Variants in SDK1 observed in about 807,000 individuals in gnomAD.
SDK1 encodes sidekick cell adhesion molecule 1, also known as protein sidekick-1.
A neutral mutation model predicts 245.5 loss-of-function variants in SDK1; 157 were observed. The ratio of observed to expected loss-of-function variants is 0.64; its 90% confidence interval spans 0.56 to 0.73. SDK1 has a LOEUF of 0.73. SDK1 is among the 30% of genes least tolerant of loss of function. The pLI, the probability that SDK1 is intolerant of heterozygous loss-of-function variation, is 0.00. For missense variants in SDK1, 3,583 were observed against 3,002.3 expected (o/e 1.19, Z -4.52); for synonymous variants, 1,647 against 1,278.5 (o/e 1.29, Z -6.15).
chr7:4,229,468 G>T (rs988324751), intron 40 of SDK1, among the ~76,000 whole-genome samples: 5 of 152,144 alleles, frequency 3.3e-5, no homozygotes, highest in African/African-American at 1.2e-4. Context: ...TTAAGATTCT[G>T]TATCAATATT....
At chr7:4,158,975 T>C (rs1175420942) in intron 31 of SDK1, among the ~76,000 whole-genome samples, 1 of 152,208 alleles carries the variant, frequency 6.6e-6, no homozygotes, top group Non-Finnish European at 1.5e-5. Context: ...AGCCGCTCCG[T>C]CCTACCTCGG....
At chr7:4,125,541 A>G (rs1392234642) in intron 25 of SDK1, among the ~76,000 whole-genome samples, 1 of 152,184 alleles carries the variant, frequency 6.6e-6, no homozygotes, top group Non-Finnish European at 1.5e-5. Flanking sequence ...GGATGGATAG[A>G]TGAGTGGGTC....
rs1049512037 is a variant in SDK1, at chr7:3,753,725, G to GTGA, written c.714-67724_714-67722dup. On this transcript the variant is annotated intron_variant, in intron 4 of 44. Coordinates refer to ENST00000404826, the MANE Select transcript of SDK1 (RefSeq NM_152744.4). ...TTTTATTATCAATGAAATGCATGAA[G>GTGA]TGACAGGCCTTGGTTGGTGAAGTGG... Among the ~76,000 whole-genome samples, 623 of 152,296 alleles carry GTGA rather than the reference G, an allele frequency of 4.1e-3. 6 individuals carry two copies. Among genetic ancestry groups the GTGA allele is most frequent in the African/African-American group, 0.014 (602 of 41,560 alleles).
intron 22 of SDK1, among the ~76,000 whole-genome samples, chr7:4,080,381 G>A (rs572456842): frequency 6.6e-6 from 1 of 152,274 alleles, no homozygotes; most frequent in Non-Finnish European, 1.5e-5. Flanking sequence ...AAAGCAGGAG[G>A]AAAAAGATAA....
At chr7:3,395,971 C>A (rs1781886374) in intron 1 of SDK1, among the ~76,000 whole-genome samples, 1 of 151,670 alleles carries the variant, frequency 6.6e-6, no homozygotes, top group South Asian at 2.1e-4. Context: ...CTCCTGTCAT[C>A]TTTATTTTCT....
chr7:3,696,814 A>G (rs552244869), intron 4 of SDK1, among the ~76,000 whole-genome samples: 5 of 152,126 alleles, frequency 3.3e-5, no homozygotes, highest in Non-Finnish European at 7.3e-5. Flanking sequence ...TAATTATAAC[A>G]AAGCAATTCA....
At chr7:3,579,373 A>T (rs912381158) in intron 1 of SDK1, among the ~76,000 whole-genome samples, 30 of 152,268 alleles carry the variant, frequency 2.0e-4, no homozygotes, top group Admixed American at 1.9e-3. Context: ...GGTTCAAGAT[A>T]TGCAAATCAG....
At chr7:4,262,411 A>G (rs1788075672) in intron 44 of SDK1, among the ~76,000 whole-genome samples, 1 of 151,720 alleles carries the variant, frequency 6.6e-6, no homozygotes, top group Non-Finnish European at 1.5e-5. Context: ...TGAACCTAGA[A>G]AACATGCAGG....
At position 3,678,471 on chromosome 7, in the gene SDK1, C is replaced by T. The variant is rs140090197; in HGVS notation, c.713+36366C>T. 2.2e-3 allele frequency among the ~76,000 whole-genome samples: 341 copies of T among 152,282 alleles called. 1 individual carries two copies. The highest frequency in any genetic ancestry group is 7.5e-3 in the African/African-American group (313 of 41,558). On this transcript the variant is annotated intron_variant, in intron 4 of 44. Coordinates refer to ENST00000404826, the MANE Select transcript of SDK1 (RefSeq NM_152744.4). ...AGGAGCTTTGAAAAATGCTGCATCA[C>T]GTGGACGAACTTTGAAAACTAATCA...
At chr7:3,608,681 C>T (rs1040954618) in intron 1 of SDK1, among the ~76,000 whole-genome samples, 5 of 152,120 alleles carry the variant, frequency 3.3e-5, no homozygotes, top group Admixed American at 6.5e-5. Context: ...CATCACTCAG[C>T]GAACCAGGAA....
At chr7:3,405,219 C>T (rs1264951368) in intron 1 of SDK1, among the ~76,000 whole-genome samples, 2 of 151,374 alleles carry the variant, frequency 1.3e-5, no homozygotes, top group South Asian at 2.1e-4. Context: ...ATGCTTTTCA[C>T]AAGAACTAAG....
intron 1 of SDK1, among the ~76,000 whole-genome samples, chr7:3,326,746 G>C (rs931570929): frequency 9.9e-5 from 15 of 152,100 alleles, no homozygotes; most frequent in Non-Finnish European, 1.6e-4. Flanking sequence ...CTATCACTCA[G>C]TTTAAGTAAT....
intron 5 of SDK1, among the ~76,000 whole-genome samples, chr7:3,931,486 C>G (rs1030812900): frequency 2.0e-5 from 3 of 152,194 alleles, no homozygotes; most frequent in African/African-American, 4.8e-5. Flanking sequence ...TATAAGTATT[C>G]AACGTCCCAA....
intron 5 of SDK1, among the ~76,000 whole-genome samples, chr7:3,862,455 G>A (rs945263377): frequency 6.6e-6 from 1 of 152,152 alleles, no homozygotes; most frequent in African/African-American, 2.4e-5. Flanking sequence ...TTGGTAAAGG[G>A]TATGTGTTAA....
intron 22 of SDK1, among the ~76,000 whole-genome samples, chr7:4,102,264 C>A (rs1782604780): frequency 1.3e-5 from 2 of 152,156 alleles, no homozygotes; most frequent in African/African-American, 2.4e-5. Flanking sequence ...TCTGCAGGGG[C>A]CCTCCAGCCA....
intron 1 of SDK1, among the ~76,000 whole-genome samples, chr7:3,576,417 C>T (rs547829034): frequency 6.6e-6 from 1 of 152,170 alleles, no homozygotes; most frequent in African/African-American, 2.4e-5. Context: ...CCTGTGACTT[C>T]CTCAGGGGAG....
chr7:3,342,346 T>G (rs772736187), intron 1 of SDK1, among the ~76,000 whole-genome samples: 8 of 151,972 alleles, frequency 5.3e-5, no homozygotes, highest in Non-Finnish European at 1.0e-4. Flanking sequence ...CCCAGAACTT[T>G]GGGAGGCCGA....
chr7:3,764,667 G>C (rs925164386), intron 4 of SDK1, among the ~76,000 whole-genome samples: 14 of 152,012 alleles, frequency 9.2e-5, no homozygotes, highest in African/African-American at 3.1e-4. Flanking sequence ...GGGCGACAGA[G>C]TGAGACTCTG....
rs961276309 is a variant in SDK1, at chr7:3,511,146, A to G, written c.299-107934A>G. Among the ~76,000 whole-genome samples, 12 of 152,302 alleles carry G rather than the reference A, an allele frequency of 7.9e-5. No individual in the cohort carries two copies. In the East Asian group the frequency reaches 2.3e-3, roughly 29 times the overall value. Reference sequence around the variant, plus strand: ...CCACGGTCTGAGAAAGGAACCAAGGACGACTCCATGTTACACTTGTTTCTG... The same window carrying G: ...CCACGGTCTGAGAAAGGAACCAAGGGCGACTCCATGTTACACTTGTTTCTG... On this transcript the variant is annotated intron_variant, in intron 1 of 44. Transcript: ENST00000404826.
Sources: gnomAD v4.1 joint callset for allele counts (sites outside exome capture counted in the v4.1 genomes callset) on GRCh38, gnomAD v4.1.1 for gene constraint, MANE v1.5 for transcripts, NCBI Gene and HGNC (gene_info 2026-07-23, HGNC 2026-07-21) for gene names.